The following KIAA1328 variants were observed in gnomAD, a reference collection of about 807,000 sequenced individuals.
KIAA1328 encodes the protein protein hinderin.
Under a neutral mutation model 68.1 loss-of-function variants are expected in KIAA1328, and 52 were observed. The ratio of observed to expected loss-of-function variants is 0.76; its 90% confidence interval spans 0.61 to 0.96. The LOEUF (loss-of-function observed/expected upper bound fraction) is 0.96. Among genes scored for constraint, KIAA1328 ranks in the 40% least tolerant of loss-of-function variants. KIAA1328 has a pLI of 0.00. For synonymous variants in KIAA1328, 232 were observed against 239.4 expected (o/e 0.97, Z 0.28); for missense variants, 641 against 677.6 (o/e 0.95, Z 0.60).
chr18:37,010,053 C>G (rs986883720), intron 6 of KIAA1328, among the ~76,000 whole-genome samples: 1 of 152,118 alleles, frequency 6.6e-6, no homozygotes, highest in African/African-American at 2.4e-5. Context: ...CAAAGCGTAT[C>G]ATGGAAAATA....
chr18:37,188,492 G>T (rs541040788), intron 9 of KIAA1328, among the ~76,000 whole-genome samples: 3 of 152,330 alleles, frequency 2.0e-5, no homozygotes, highest in African/African-American at 7.2e-5. Context: ...GAACTGGCCT[G>T]AAACCACTAG....
intron 6 of KIAA1328, among the ~76,000 whole-genome samples, chr18:37,011,286 C>G (rs1034026518): frequency 2.6e-5 from 4 of 152,152 alleles, no homozygotes; most frequent in Admixed American, 2.0e-4. Flanking sequence ...CCTCCCTAAC[C>G]TGCCACTACA....
At chr18:37,005,920 G>T (rs765554287) in intron 6 of KIAA1328, among the ~76,000 whole-genome samples, 1 of 152,052 alleles carries the variant, frequency 6.6e-6, no homozygotes, top group Non-Finnish European at 1.5e-5. Context: ...CATGGAAGTA[G>T]AGAGCAGAAG....
intron 5 of KIAA1328, among the ~76,000 whole-genome samples, chr18:36,944,754 G>A (rs1330556892): frequency 2.0e-5 from 3 of 152,154 alleles, no homozygotes; most frequent in African/African-American, 7.2e-5. Flanking sequence ...AACCAGGAGA[G>A]GAGATCTGTT....
At chr18:36,877,706 G>A (rs1246918107) in intron 4 of KIAA1328, among the ~76,000 whole-genome samples, 1 of 132,018 alleles carries the variant, frequency 7.6e-6, no homozygotes, top group Non-Finnish European at 1.5e-5. Context: ...TTGCTCTGTC[G>A]CCCAGGCTGG....
chr18:37,112,106 C>G (rs1387749181), intron 7 of KIAA1328, among the ~76,000 whole-genome samples: 1 of 152,198 alleles, frequency 6.6e-6, no homozygotes, highest in East Asian at 1.9e-4. Flanking sequence ...CAAGGCATAG[C>G]TGAACAAAAG....
In KIAA1328 at chr18:37,224,605, T is replaced by C. The variant is rs1312040090; in HGVS notation, c.*2378T>C. The C allele has an allele frequency of 1.3e-5, 13 of 974,906 alleles. No homozygotes were observed. The African/African-American group carries it at 2.1e-4, about 16-fold the overall frequency. The allele number at this position is 974,906 out of a possible 1,614,324, so 60.4% of individuals were successfully genotyped here. A position where few individuals can be genotyped will look rare whatever the true frequency, so the allele number is the denominator to read the frequency against. ...TAATCTATTTAAATTTACTTTGAAA[T>C]ATATACATACATATGAATGAAAGGT... On this transcript the variant is annotated 3_prime_UTR_variant, in exon 10 of 10. Coordinates refer to ENST00000280020, the MANE Select transcript of KIAA1328 (RefSeq NM_020776.3).
At chr18:36,869,441 A>G (rs1346068305) in intron 4 of KIAA1328, among the ~76,000 whole-genome samples, 5 of 152,076 alleles carry the variant, frequency 3.3e-5, no homozygotes, top group African/African-American at 9.7e-5. Flanking sequence ...GCTTGGGTCA[A>G]ATTTTGGTTA....
intron 6 of KIAA1328, among the ~76,000 whole-genome samples, chr18:37,064,547 CA>C (rs376807282): frequency 3.5e-5 from 5 of 141,988 alleles, no homozygotes; most frequent in South Asian, 2.5e-4. Flanking sequence ...CCCCCCCCCC[CA>C]AATATGACCA....
intron 6 of KIAA1328, among the ~76,000 whole-genome samples, chr18:36,975,817 A>T (rs912483567): frequency 6.6e-6 from 1 of 152,062 alleles, no homozygotes; most frequent in African/African-American, 2.4e-5. Context: ...TGTTACAGAG[A>T]ATCCCAGTTA....
intron 4 of KIAA1328, among the ~76,000 whole-genome samples, chr18:36,848,552 T>TTTTTTTTTTTTTTTTC: frequency 6.9e-6 from 1 of 144,286 alleles, no homozygotes; most frequent in Non-Finnish European, 1.5e-5. Context: ...TTTTTTTTTT[T>TTTTTTTTTTTTTTTTC]TTTTTTTTTT....
intron 7 of KIAA1328, among the ~76,000 whole-genome samples, chr18:37,068,853 A>AT (rs1430523241): frequency 2.6e-5 from 4 of 151,960 alleles, no homozygotes; most frequent in Admixed American, 6.6e-5. Flanking sequence ...TTGAACTTAA[A>AT]TAATTATCCC....
intron 7 of KIAA1328, among the ~76,000 whole-genome samples, chr18:37,088,650 A>G (rs2057176751): frequency 6.6e-6 from 1 of 152,064 alleles, no homozygotes; most frequent in Non-Finnish European, 1.5e-5. Flanking sequence ...GGTAGAAAGA[A>G]ATATAAAATT....
At chr18:36,992,276 A>G (rs934936973) in intron 6 of KIAA1328, among the ~76,000 whole-genome samples, 5 of 152,010 alleles carry the variant, frequency 3.3e-5, no homozygotes, top group East Asian at 1.9e-4. Flanking sequence ...GAATTTACCT[A>G]TCTTTTATGG....
chr18:37,172,067 A>T (rs556905741), intron 8 of KIAA1328, among the ~76,000 whole-genome samples: 3 of 152,306 alleles, frequency 2.0e-5, no homozygotes, highest in African/African-American at 2.4e-5. Context: ...ACCTGTTGCC[A>T]TTCCCAAAGT....
chr18:37,154,442 C>A (rs983690316), intron 7 of KIAA1328, among the ~76,000 whole-genome samples: 8 of 152,114 alleles, frequency 5.3e-5, no homozygotes, highest in East Asian at 1.9e-4. Flanking sequence ...TTATGTGAAT[C>A]TAAATATATG....
Position 36,958,454 on chromosome 18 carries a change from G to T in KIAA1328, c.449-854G>T, listed in dbSNP as rs77142717. On this transcript the variant is annotated intron_variant, in intron 5 of 9. Coordinates refer to ENST00000280020, the MANE Select transcript of KIAA1328 (RefSeq NM_020776.3). The stretch of plus-strand genomic sequence containing the variant: ...TTCCAAAGTGGCAGCACAGTCTTAT[G>T]TTCCCATTAGTTACGTAGGAGGGTT... 1.7e-4 allele frequency among the ~76,000 whole-genome samples: 26 copies of T among 152,242 alleles called. No individual in the cohort carries two copies. The East Asian group carries it at 4.8e-3, about 28-fold the overall frequency.
intron 6 of KIAA1328, among the ~76,000 whole-genome samples, chr18:37,061,533 G>A (rs551554837): frequency 6.6e-6 from 1 of 152,182 alleles, no homozygotes; most frequent in African/African-American, 2.4e-5. Context: ...GTTATATCTC[G>A]GAAGACAATC....
intron 6 of KIAA1328, among the ~76,000 whole-genome samples, chr18:36,980,821 A>G (rs1317714772): frequency 6.6e-6 from 1 of 152,060 alleles, no homozygotes; most frequent in Non-Finnish European, 1.5e-5. Flanking sequence ...TATAAGGGAG[A>G]GTTTCCTTGC....
Sources: allele counts gnomAD v4.1 joint callset (sites outside exome capture counted in the v4.1 genomes callset), GRCh38; gene constraint gnomAD v4.1.1; transcripts MANE v1.5; gene names NCBI Gene and HGNC (gene_info 2026-07-23, HGNC 2026-07-21).